Variants in RAB11FIP3 observed in about 807,000 individuals in gnomAD.
The protein encoded by RAB11FIP3 is RAB11 family interacting protein 3, also known as rab11 family-interacting protein 3.
A neutral mutation model predicts 77.8 loss-of-function variants in RAB11FIP3; 17 were observed. The observed-to-expected ratio is 0.22, with a 90% confidence interval of 0.15 to 0.33. The LOEUF (loss-of-function observed/expected upper bound fraction) is 0.33. Ranked by LOEUF, RAB11FIP3 falls within the 10% of genes least tolerant of loss-of-function variation. RAB11FIP3 has a pLI of 1.00. For synonymous variants in RAB11FIP3, 437 were observed against 448.2 expected, an observed-to-expected ratio of 0.98 and a Z score of 0.31; for missense variants, 1,005 against 1,011.2, an observed-to-expected ratio of 0.99 and a Z score of 0.08.
In RAB11FIP3 at chr16:451,805, A is replaced by G. The variant is rs533828539; in HGVS notation, c.715-9599A>G. Among the ~76,000 whole-genome samples, 12 of 152,138 alleles carry G rather than the reference A, an allele frequency of 7.9e-5. No individual in the cohort carries two copies. The South Asian group carries it at 2.5e-3, about 32-fold the overall frequency. On this transcript the variant is annotated intron_variant, in intron 1 of 13. Coordinates refer to ENST00000262305, the MANE Select transcript of RAB11FIP3 (RefSeq NM_014700.4). ...ACCCGAGATCACACCATTGCACTCC[A>G]GTCTGGGCGACAGAGCAAGACTCTC...
intron 3 of RAB11FIP3, chr16:475,127 C>T: frequency 6.5e-7 from 1 of 1,533,042 alleles, no homozygotes; most frequent in Non-Finnish European, 8.8e-7. Context: ...GTGCACTGTG[C>T]CCAGTATTCC....
In RAB11FIP3 at chr16:442,691, A is replaced by C. The variant is rs2055247294; in HGVS notation, c.714+15971A>C. On this transcript the variant is annotated intron_variant, in intron 1 of 13. Coordinates refer to ENST00000262305, the MANE Select transcript of RAB11FIP3 (RefSeq NM_014700.4). Reference sequence around the variant, plus strand: ...AAAGCACAGAGATGTGATTTGCAGAAGGTATGTTGTGTCTTCGTGGGCAGG... The same window carrying C: ...AAAGCACAGAGATGTGATTTGCAGACGGTATGTTGTGTCTTCGTGGGCAGG... 2.0e-5 allele frequency among the ~76,000 whole-genome samples: 3 copies of C among 152,238 alleles called. 1 individual carries two copies. In the South Asian group the frequency reaches 6.2e-4, roughly 32 times the overall value.
intron 3 of RAB11FIP3, among the ~76,000 whole-genome samples, chr16:480,782 G>A (rs1044186471): frequency 2.0e-5 from 3 of 148,840 alleles, no homozygotes; most frequent in African/African-American, 7.3e-5. Context: ...ACAGGCGTGA[G>A]CCACTGCGCC....
chr16:495,645 T>C (rs777256554), intron 5 of RAB11FIP3, among the ~76,000 whole-genome samples: 10 of 152,188 alleles, frequency 6.6e-5, no homozygotes, highest in Non-Finnish European at 1.3e-4. Context: ...AGGAAGAGCC[T>C]GCTAAGGGCC....
At chr16:518,523 G>A (rs909684827) in intron 9 of RAB11FIP3, among the ~76,000 whole-genome samples, 3 of 149,910 alleles carry the variant, frequency 2.0e-5, no homozygotes, top group Admixed American at 1.3e-4. Flanking sequence ...TCAGGAGTTC[G>A]AGACCAGCCT....
intron 6 of RAB11FIP3, 85 bp from the exon 7 acceptor site, chr16:502,919 A>G: frequency 9.1e-7 from 1 of 1,100,468 alleles, no homozygotes; most frequent in South Asian, 1.3e-5. Context: ...CCTGCTTTTC[A>G]GATTGACTTG....
In RAB11FIP3 at chr16:489,010, C is replaced by T. The variant is rs1434534413; in HGVS notation, c.1265+10C>T. ...CTTTCCTCACGCCCAGGTAATGACGCCTTGTTCCAGCACACCCTCCTCCCT... is the reference window on the plus strand; with the variant it reads ...CTTTCCTCACGCCCAGGTAATGACGTCTTGTTCCAGCACACCCTCCTCCCT... On this transcript the variant is annotated intron_variant, in intron 5 of 13. Coordinates refer to ENST00000262305, the MANE Select transcript of RAB11FIP3 (RefSeq NM_014700.4). The T allele has an allele frequency of 6.2e-7, 1 of 1,611,376 alleles. No homozygotes were observed. The highest frequency in any genetic ancestry group is 8.5e-7 in the Non-Finnish European group (1 of 1,178,372).
rs769182447 is a variant in RAB11FIP3, at chr16:426,690, C to G, written c.684C>G (p.Ile228Met). The change falls in exon 1 of 14, where the codon ATC (isoleucine) becomes ATG (methionine). Residue 228 changes from isoleucine (I) to methionine (M), a missense_variant. Ile to Met is a conservative substitution (Grantham distance 10). Transcript: ENST00000262305. The surrounding 1 kb of genome is among the most constrained non-coding windows in gnomAD (Gnocchi z 5.0). ...GTTTCGTCCGCATCGAGGACTTCAT[C>G]CAGTTTGCTACGGTCTACGGGGCAG... The part of the protein sequence containing the change: ...GDGFVRIEDF[I>M]QFATVYGAEQ... 5.2e-6 allele frequency: 8 copies of G among 1,533,038 alleles called. No individual in the cohort carries two copies. In the Admixed American group the frequency reaches 1.4e-4, roughly 27 times the overall value. 95.0% of individuals were successfully genotyped at this position (1,533,038 alleles called of 1,614,324 possible). A position where few individuals can be genotyped will look rare whatever the true frequency, so the allele number is the denominator to read the frequency against.
chr16:446,605 T>G (rs1293289766), intron 1 of RAB11FIP3, among the ~76,000 whole-genome samples: 2 of 152,218 alleles, frequency 1.3e-5, no homozygotes, highest in Non-Finnish European at 2.9e-5. Flanking sequence ...TGTCCAGATG[T>G]GTCCTACAGA....
At chr16:491,519 C>G (rs1204752343) in intron 5 of RAB11FIP3, among the ~76,000 whole-genome samples, 1 of 152,264 alleles carries the variant, frequency 6.6e-6, no homozygotes, top group Non-Finnish European at 1.5e-5. Context: ...GCTGTGCTGT[C>G]TGTCCTGTGT....
chr16:467,287 G>C (rs2141668626), intron 2 of RAB11FIP3, among the ~76,000 whole-genome samples: 2 of 152,328 alleles, frequency 1.3e-5, no homozygotes, highest in Non-Finnish European at 2.9e-5. Context: ...TCACAATTCT[G>C]TCTCCAGCTC....
chr16:472,292 A>G lies in RAB11FIP3; in HGVS notation c.903+903A>G, dbSNP rs927726282. ...TGGGTGGGCAGCTTAACTTCTGCCC[A>G]CACAGACCCTGGGGGTGGTTCTGCC... On this transcript the variant is annotated intron_variant, in intron 3 of 13. Transcript: ENST00000262305. The surrounding 1 kb of genome is among the most constrained non-coding windows in gnomAD (Gnocchi z 4.1). Among the ~76,000 whole-genome samples the G allele has an allele frequency of 6.6e-6, 1 of 152,210 alleles. No individual in the cohort carries two copies. The highest frequency in any genetic ancestry group is 2.1e-4 in the South Asian group (1 of 4,828).
intron 1 of RAB11FIP3, among the ~76,000 whole-genome samples, chr16:447,151 A>G (rs1791047267): frequency 6.6e-6 from 1 of 151,984 alleles, no homozygotes; most frequent in Admixed American, 6.6e-5. Flanking sequence ...CAAAAAATAT[A>G]AAAATTAGCC....
chr16:440,202 T>C (rs2055202152), intron 1 of RAB11FIP3, among the ~76,000 whole-genome samples: 1 of 152,260 alleles, frequency 6.6e-6, no homozygotes, highest in South Asian at 2.1e-4. Context: ...AGGGTCTCAT[T>C]CTGTGCCTTA....
chr16:468,133 G>T (rs1345489278), intron 2 of RAB11FIP3, among the ~76,000 whole-genome samples: 1 of 76,400 alleles, frequency 1.3e-5, no homozygotes, highest in East Asian at 3.9e-4. Context: ...AGGAGGTGCA[G>T]GGGCCTCAGG....
intron 3 of RAB11FIP3, among the ~76,000 whole-genome samples, chr16:477,988 C>A (rs2055953896): frequency 6.6e-6 from 1 of 152,144 alleles, no homozygotes; most frequent in East Asian, 1.9e-4. Context: ...CCGTTTGCGG[C>A]AGGGCTCCAG....
chr16:448,402 G>A (rs532337857), intron 1 of RAB11FIP3, among the ~76,000 whole-genome samples: 1 of 151,840 alleles, frequency 6.6e-6, no homozygotes, highest in South Asian at 2.1e-4. Flanking sequence ...TCAGGAGTTT[G>A]AGACCAGCCT....
chr16:480,593 G>A (rs949907588), intron 3 of RAB11FIP3, among the ~76,000 whole-genome samples: 1 of 151,694 alleles, frequency 6.6e-6, no homozygotes, highest in Non-Finnish European at 1.5e-5. Context: ...TCCACCTCCC[G>A]GGTTCAAGCG....
chr16:431,611 G>A (rs1446866656), intron 1 of RAB11FIP3, among the ~76,000 whole-genome samples: 1 of 152,114 alleles, frequency 6.6e-6, no homozygotes, highest in Non-Finnish European at 1.5e-5. Flanking sequence ...CAGACCTCAA[G>A]TGATCCACCT....
Sources: allele counts gnomAD v4.1 joint callset (sites outside exome capture counted in the v4.1 genomes callset), GRCh38; gene constraint gnomAD v4.1.1; non-coding constraint Gnocchi (gnomAD v3.1); transcripts MANE v1.5; gene names NCBI Gene and HGNC (gene_info 2026-07-23, HGNC 2026-07-21).